LRRC4C: variants seen among roughly 807,000 people sequenced by gnomAD.
LRRC4C encodes the protein leucine rich repeat containing 4C.
LRRC4C carries 5 observed loss-of-function variants against 33.6 expected under a neutral mutation model. The observed-to-expected ratio is 0.15, with a 90% CI of 0.08 to 0.31. The LOEUF (loss-of-function observed/expected upper bound fraction) is 0.31, where lower values mean the gene tolerates loss of function less well. Ranked by LOEUF, LRRC4C falls within the 10% of genes least tolerant of loss-of-function variation. LRRC4C has a pLI of 1.00. For missense variants in LRRC4C, 560 were observed against 796.7 expected, an observed-to-expected ratio of 0.70 and a Z score of 3.58; for synonymous variants, 329 against 302.0, an observed-to-expected ratio of 1.09 and a Z score of -0.93.
At chr11:40,764,146 C>T (rs532773087) in intron 2 of LRRC4C, among the ~76,000 whole-genome samples, 18 of 152,104 alleles carry the variant, frequency 1.2e-4, no homozygotes, top group South Asian at 4.1e-4. Context: ...TAAGGCACTG[C>T]GCTGAGTCCT....
intron 1 of LRRC4C, among the ~76,000 whole-genome samples, chr11:41,439,181 C>A (rs1955534672): frequency 6.6e-6 from 1 of 152,150 alleles, no homozygotes; most frequent in African/African-American, 2.4e-5. Flanking sequence ...TCTCCAACTG[C>A]ATCCATGTTG....
At chr11:41,442,411 A>G (rs1955649587) in intron 1 of LRRC4C, among the ~76,000 whole-genome samples, 1 of 151,590 alleles carries the variant, frequency 6.6e-6, no homozygotes, top group Non-Finnish European at 1.5e-5. Context: ...GAACATTTAA[A>G]AATGATTTTA....
chr11:41,443,656 C>T (rs1955727370), intron 1 of LRRC4C, among the ~76,000 whole-genome samples: 1 of 150,772 alleles, frequency 6.6e-6, no homozygotes, highest in African/African-American at 2.4e-5. Flanking sequence ...ACTCTTGTCA[C>T]CCAGGCTGGA....
chr11:41,427,669 G>T (rs192559147), intron 1 of LRRC4C, among the ~76,000 whole-genome samples: 1 of 152,264 alleles, frequency 6.6e-6, no homozygotes, highest in East Asian at 1.9e-4. Context: ...AAAAAGGAAA[G>T]TGTCCGGCCT....
intron 1 of LRRC4C, among the ~76,000 whole-genome samples, chr11:41,347,037 A>G (rs979285906): frequency 5.3e-5 from 8 of 152,160 alleles, no homozygotes; most frequent in Non-Finnish European, 1.2e-4. Context: ...AAACTAAAAG[A>G]GGTTTGATTT....
intron 4 of LRRC4C, among the ~76,000 whole-genome samples, chr11:40,308,458 C>T (rs1590265843): frequency 6.6e-6 from 1 of 152,168 alleles, no homozygotes; most frequent in East Asian, 1.9e-4. Context: ...GGCTATGTCT[C>T]ATACATGGCA....
chr11:41,347,272 T>C (rs1354463991), intron 1 of LRRC4C, among the ~76,000 whole-genome samples: 2 of 152,220 alleles, frequency 1.3e-5, no homozygotes, highest in Non-Finnish European at 2.9e-5. Flanking sequence ...GCATTTTCTC[T>C]GCCTTAATAC....
intron 3 of LRRC4C, among the ~76,000 whole-genome samples, chr11:40,540,574 C>T (rs1956666079): frequency 1.3e-5 from 2 of 152,080 alleles, no homozygotes; most frequent in Admixed American, 1.3e-4. Context: ...ACACCTCCAC[C>T]TGCAGAGTTC....
intron 1 of LRRC4C, among the ~76,000 whole-genome samples, chr11:41,314,270 T>G (rs2137208131): frequency 6.6e-6 from 1 of 152,326 alleles, no homozygotes; most frequent in Admixed American, 6.5e-5. Context: ...AAGTTAAGTT[T>G]CATTGTATAT....
chr11:41,142,472 G>A (rs1943549818), intron 1 of LRRC4C, among the ~76,000 whole-genome samples: 2 of 152,148 alleles, frequency 1.3e-5, no homozygotes, highest in Non-Finnish European at 2.9e-5. Flanking sequence ...TGCTGGCTCG[G>A]GGACTGCACT....
At chr11:40,636,909 C>T (rs947015511) in intron 3 of LRRC4C, among the ~76,000 whole-genome samples, 5 of 152,120 alleles carry the variant, frequency 3.3e-5, no homozygotes, top group South Asian at 2.1e-4. Flanking sequence ...CTGAGAATGC[C>T]GGTCTGAGGC....
chr11:40,773,782 C>CTATAA (rs1266313720), intron 2 of LRRC4C, among the ~76,000 whole-genome samples: 1 of 151,694 alleles, frequency 6.6e-6, no homozygotes, highest in East Asian at 1.9e-4. Flanking sequence ...TATATGTGGG[C>CTATAA]TATAATATAT....
At chr11:40,655,946 T>C (rs6485219) in intron 2 of LRRC4C, among the ~76,000 whole-genome samples, 84,532 of 151,828 alleles carry the variant, frequency 0.56, 24,499 homozygotes, top group East Asian at 0.71. Context: ...GAGGAAATCG[T>C]CATACACTTT....
At chr11:41,323,250 C>T (rs547723304) in intron 1 of LRRC4C, among the ~76,000 whole-genome samples, 1 of 152,242 alleles carries the variant, frequency 6.6e-6, no homozygotes, top group South Asian at 2.1e-4. Flanking sequence ...TGATGACAGC[C>T]ATACCACTGT....
intron 3 of LRRC4C, among the ~76,000 whole-genome samples, chr11:40,545,519 G>A (rs1956878093): frequency 6.6e-6 from 1 of 151,948 alleles, no homozygotes; most frequent in African/African-American, 2.4e-5. Context: ...GAAAGTATAG[G>A]TTAAGGGAAC....
chr11:40,506,963 T>TAA (rs1955065135), intron 3 of LRRC4C, among the ~76,000 whole-genome samples: 1 of 152,102 alleles, frequency 6.6e-6, no homozygotes, highest in Non-Finnish European at 1.5e-5. Context: ...ACATAAAACA[T>TAA]ACAGGGTAAG....
At chr11:40,911,282 T>A (rs1956669572) in intron 2 of LRRC4C, among the ~76,000 whole-genome samples, 2 of 152,056 alleles carry the variant, frequency 1.3e-5, no homozygotes. Context: ...GTAGCCCAAC[T>A]GGGAGGCACC....
At chr11:41,376,888 C>T (rs1338908727) in intron 1 of LRRC4C, among the ~76,000 whole-genome samples, 3 of 151,982 alleles carry the variant, frequency 2.0e-5, no homozygotes, top group African/African-American at 7.2e-5. Context: ...GATAGACAAA[C>T]AATTGCTAGA....
At chr11:40,948,467 C>T (rs1336083660) in intron 1 of LRRC4C, among the ~76,000 whole-genome samples, 1 of 150,156 alleles carries the variant, frequency 6.7e-6, no homozygotes, top group Non-Finnish European at 1.5e-5. Context: ...GCTGCACCCA[C>T]TAACTCGTCA....
Sources: gnomAD v4.1 joint callset for allele counts (sites outside exome capture counted in the v4.1 genomes callset) on GRCh38, gnomAD v4.1.1 for gene constraint, MANE v1.5 for transcripts, NCBI Gene and HGNC (gene_info 2026-07-23, HGNC 2026-07-21) for gene names.